Variants in CFAP54 observed in about 807,000 individuals in gnomAD.
The protein encoded by CFAP54 is cilia- and flagella-associated protein 54.
In CFAP54, 290 loss-of-function variants were observed where a neutral mutation model predicts 370.4. The ratio of observed to expected loss-of-function variants is 0.78; its 90% CI spans 0.71 to 0.86. The LOEUF (loss-of-function observed/expected upper bound fraction) is 0.86. Among genes scored for constraint, CFAP54 ranks in the 40% least tolerant of loss-of-function variants. CFAP54 has a pLI of 0.00. For missense variants in CFAP54, 3,399 were observed against 3,528.7 expected (o/e 0.96, Z 0.93); for synonymous variants, 1,206 against 1,236.5 (o/e 0.98, Z 0.52).
chr12:96,564,610 T>C, intron 18 of CFAP54, 34 bp from the exon 19 acceptor site: 1 of 662,484 alleles, frequency 1.5e-6, no homozygotes, highest in Non-Finnish European at 2.7e-6. Flanking sequence ...TAGTTTTTAA[T>C]CTCACCTTTT....
intron 66 of CFAP54, among the ~76,000 whole-genome samples, chr12:96,843,393 G>T (rs1959246325): frequency 6.6e-6 from 1 of 152,168 alleles, no homozygotes; most frequent in African/African-American, 2.4e-5. Context: ...TTGCTGCTGA[G>T]ATTCCAATCC....
At chr12:96,491,037 C>A (rs1044767500) in intron 1 of CFAP54, among the ~76,000 whole-genome samples, 1 of 151,726 alleles carries the variant, frequency 6.6e-6, no homozygotes. Flanking sequence ...GTGGCTCAAT[C>A]CTGGCTCACT....
intron 4 of CFAP54, among the ~76,000 whole-genome samples, chr12:96,512,058 C>A (rs953595159): frequency 6.6e-6 from 1 of 151,856 alleles, no homozygotes; most frequent in African/African-American, 2.4e-5. Flanking sequence ...AGCATGTGTC[C>A]TTACTTAGGT....
At chr12:96,751,795 C>T (rs1413249861) in intron 55 of CFAP54, among the ~76,000 whole-genome samples, 2 of 152,086 alleles carry the variant, frequency 1.3e-5, no homozygotes, top group Middle Eastern at 3.2e-3. Flanking sequence ...CATTTCCTCT[C>T]CTATAAAATG....
intron 17 of CFAP54, among the ~76,000 whole-genome samples, chr12:96,559,061 C>T (rs1955787604): frequency 6.6e-6 from 1 of 151,928 alleles, no homozygotes; most frequent in Admixed American, 6.6e-5. Context: ...ACTAAAAATA[C>T]AAAAATCAGC....
intron 1 of CFAP54, among the ~76,000 whole-genome samples, chr12:96,491,379 G>A (rs1318748796): frequency 6.6e-6 from 1 of 152,204 alleles, no homozygotes; most frequent in African/African-American, 2.4e-5. Flanking sequence ...CAGCATCCAG[G>A]TGGAGCTACT....
intron 4 of CFAP54, among the ~76,000 whole-genome samples, chr12:96,507,572 T>C (rs936958713): frequency 6.8e-5 from 10 of 146,444 alleles, no homozygotes; most frequent in East Asian, 2.0e-4. Context: ...CACACACACA[T>C]ATGTACATTA....
chr12:96,834,234 G>C (rs1268127055), intron 66 of CFAP54, among the ~76,000 whole-genome samples: 2 of 152,220 alleles, frequency 1.3e-5, no homozygotes, highest in African/African-American at 4.8e-5. Flanking sequence ...GTCATGGGAG[G>C]GTGTTAGGAT....
chr12:96,797,251 G>A (rs996639417), intron 63 of CFAP54, among the ~76,000 whole-genome samples: 1 of 151,960 alleles, frequency 6.6e-6, no homozygotes, highest in East Asian at 1.9e-4. Flanking sequence ...CCAGGAAAGT[G>A]TTAATTGTGT....
chr12:96,797,634 C>T (rs1277917333), intron 63 of CFAP54, among the ~76,000 whole-genome samples: 1 of 151,898 alleles, frequency 6.6e-6, no homozygotes, highest in African/African-American at 2.4e-5. Flanking sequence ...TAATAATGTT[C>T]ACTTTCCCAT....
At chr12:96,639,350 A>G (rs899006899) in intron 32 of CFAP54, among the ~76,000 whole-genome samples, 1 of 152,244 alleles carries the variant, frequency 6.6e-6, no homozygotes, top group Non-Finnish European at 1.5e-5. Flanking sequence ...AAATTCCTTG[A>G]CACATACACT....
chr12:96,528,946 T>C lies in CFAP54; in HGVS notation c.1357+1502T>C, dbSNP rs1347290546. Among the ~76,000 whole-genome samples, 5 of 152,234 alleles carry C rather than the reference T, an allele frequency of 3.3e-5. No homozygotes were observed. The East Asian group carries it at 9.6e-4, about 29-fold the overall frequency. ...TGTTCTAAATTCAGCTTTAGCTATG[T>C]ATCTGAAGTTTTGATATATCATATC... On this transcript the variant is annotated intron_variant, in intron 9 of 67. Transcript: ENST00000524981.
intron 23 of CFAP54, among the ~76,000 whole-genome samples, chr12:96,590,412 T>C (rs1277421948): frequency 6.6e-6 from 1 of 152,158 alleles, no homozygotes; most frequent in Non-Finnish European, 1.5e-5. Context: ...TTTCAGGCGG[T>C]CTCAACAAAT....
intron 66 of CFAP54, among the ~76,000 whole-genome samples, chr12:96,840,024 T>G (rs904668745): frequency 2.0e-5 from 3 of 152,228 alleles, no homozygotes; most frequent in African/African-American, 7.2e-5. Context: ...GAATCCACTC[T>G]GATTCAAGGT....
At chr12:96,561,320 A>T (rs1396904235) in intron 17 of CFAP54, among the ~76,000 whole-genome samples, 1 of 152,126 alleles carries the variant, frequency 6.6e-6, no homozygotes, top group Non-Finnish European at 1.5e-5. Flanking sequence ...CTCTCTGCCT[A>T]CTGCCATCCA....
chr12:96,652,547 C>G (rs1455958890), intron 36 of CFAP54, among the ~76,000 whole-genome samples: 1 of 152,102 alleles, frequency 6.6e-6, no homozygotes, highest in Admixed American at 6.5e-5. Flanking sequence ...AAGTAATGCT[C>G]AGTTAACTCA....
At chr12:96,593,358 A>G (rs1956145680) in intron 24 of CFAP54, among the ~76,000 whole-genome samples, 1 of 151,380 alleles carries the variant, frequency 6.6e-6, no homozygotes, top group African/African-American at 2.4e-5. Flanking sequence ...TACAGTTGCT[A>G]TTTCCTACCC....
Position 96,506,937 on chromosome 12 carries a change from T to G in CFAP54, c.577T>G (p.Leu193Val), listed in dbSNP as rs558128704. 332 of 1,530,290 alleles carry G rather than the reference T, an allele frequency of 2.2e-4. No homozygotes were observed. The highest frequency in any genetic ancestry group is 5.0e-4 in the Middle Eastern group (3 of 5,980). 94.8% of individuals were successfully genotyped at this position (1,530,290 alleles called of 1,614,324 possible). A position where few individuals can be genotyped will look rare whatever the true frequency, so the allele number is the denominator to read the frequency against. ...TTCCCATGTGTTTCAGTTTCATGCT[T>G]TGAGTGGCAAAAATATGTGCAACTA... Reference protein sequence around the residue: ...DKTAGLTFHALSGKNMCNYQL... With the variant: ...DKTAGLTFHAVSGKNMCNYQL... Residue 193 changes from leucine to valine, a missense_variant, in exon 4 of 68, where the codon TTG (leucine) becomes GTG (valine). By Grantham distance (32) the Leu-to-Val change is conservative. Around this residue, in one of 3 missense-constraint regions of CFAP54, gnomAD observed 559 missense variants for 576.7 expected, o/e 0.97. Coordinates refer to ENST00000524981, the MANE Select transcript of CFAP54 (RefSeq NM_001306084.2).
chr12:96,675,479 C>T (rs554087403), intron 39 of CFAP54, among the ~76,000 whole-genome samples: 21 of 152,306 alleles, frequency 1.4e-4, no homozygotes, highest in Non-Finnish European at 2.5e-4. Flanking sequence ...AACACTTTTA[C>T]ACTGTTGGTG....
Sources: gnomAD v4.1 joint callset for allele counts (sites outside exome capture counted in the v4.1 genomes callset) on GRCh38, gnomAD v4.1.1 for gene constraint, gnomAD v4.1.1 regional missense constraint, MANE v1.5 for transcripts, NCBI Gene and HGNC (gene_info 2026-07-23, HGNC 2026-07-21) for gene names.